NLRP4: variants seen among roughly 807,000 people sequenced by gnomAD.
NLRP4 encodes NLR family pyrin domain containing 4.
NLRP4 carries 44 observed loss-of-function variants against 84.7 expected under a neutral mutation model. The observed-to-expected ratio is 0.52, with a 90% CI of 0.41 to 0.67. NLRP4 has a LOEUF of 0.67. Among genes scored for constraint, NLRP4 ranks in the 30% least tolerant of loss-of-function variants. NLRP4 has a pLI of 0.00. For missense variants in NLRP4, 1,260 were observed against 1,219.4 expected, an observed-to-expected ratio of 1.03 and a Z score of -0.50; for synonymous variants, 544 against 476.4, an observed-to-expected ratio of 1.14 and a Z score of -1.85.
intron 5 of NLRP4, among the ~76,000 whole-genome samples, chr19:55,866,068 C>G (rs138399066): frequency 6.6e-6 from 1 of 152,050 alleles, no homozygotes. Flanking sequence ...GAGTCTCACT[C>G]TGTCACCCAG....
chr19:55,841,541 A>G (rs943858241), intron 1 of NLRP4, among the ~76,000 whole-genome samples: 1 of 152,128 alleles, frequency 6.6e-6, no homozygotes, highest in Non-Finnish European at 1.5e-5. Flanking sequence ...ATAGGCACTT[A>G]GTTTGTTTCT....
chr19:55,869,438 T>C (rs1157010785), intron 6 of NLRP4, among the ~76,000 whole-genome samples: 1 of 151,556 alleles, frequency 6.6e-6, no homozygotes, highest in Non-Finnish European at 1.5e-5. Flanking sequence ...GCCAGAAAAT[T>C]GAGATCCGTG....
At chr19:55,850,170 C>T (rs555405035) in intron 1 of NLRP4, among the ~76,000 whole-genome samples, 2 of 133,184 alleles carry the variant, frequency 1.5e-5, no homozygotes, top group South Asian at 2.4e-4. Flanking sequence ...GTGTAATTTC[C>T]GTGGCTGCGG....
chr19:55,850,910 C>T (rs1348294890), intron 1 of NLRP4, among the ~76,000 whole-genome samples: 1 of 77,452 alleles, frequency 1.3e-5, no homozygotes, highest in East Asian at 4.5e-4. Flanking sequence ...GTGTAATGTC[C>T]GAGGCTGCGG....
chr19:55,841,047 A>G (rs439349), intron 1 of NLRP4, among the ~76,000 whole-genome samples: 24,111 of 152,154 alleles, frequency 0.16, 2,095 homozygotes, highest in East Asian at 0.22. Context: ...TATTTATGGG[A>G]TACAGTGTGA....
intron 1 of NLRP4, among the ~76,000 whole-genome samples, chr19:55,850,088 T>TCCGAGACTGCGGTGTAATTA (rs1984004566): frequency 7.0e-6 from 1 of 143,344 alleles, no homozygotes; most frequent in Non-Finnish European, 1.5e-5. Context: ...CGGTGTAATT[T>TCCGAGACTGCGGTGTAATTA]CCGTGGCTGC....
Position 55,870,866 on chromosome 19 carries a change from C to T in NLRP4, c.2394C>T (p.Tyr798=), listed in dbSNP as rs780227234. The T allele has an allele frequency of 1.9e-6, 3 of 1,614,174 alleles. No individual in the cohort carries two copies. Among genetic ancestry groups the T allele is most frequent in the Non-Finnish European group, 2.5e-6 (3 of 1,179,982 alleles). Residue 798 remains tyrosine, a synonymous_variant, in exon 7 of 10, where the codon TAC becomes TAT. Transcript: ENST00000301295. ...FCHLSEQCCE[Y]ISEMLLRNKS... The stretch of plus-strand genomic sequence containing the variant: ...ACCTCAGCGAGCAGTGCTGCGAATA[C>T]ATCTCTGAAATGCTTCTGCGTAACA...
In NLRP4 at chr19:55,858,530, G is replaced by A; in HGVS notation, c.1137G>A (p.Leu379=). Residue 379 remains leucine (L), a synonymous_variant, in exon 3 of 10, where the codon CTG becomes CTA. Transcript: ENST00000301295. The surrounding 1 kb of genome is among the most constrained non-coding windows in gnomAD (Gnocchi z 4.2). ...TGTACTCCTCTTTCGTCTTTAACCT[G>A]TTCACACCTGAGGGTGCCGAGGGCC... ...TSVYSSFVFN[L]FTPEGAEGPT... is the part of the protein sequence containing the mutation. 1 of 1,614,132 alleles carries A rather than the reference G, an allele frequency of 6.2e-7. No individual in the cohort carries two copies. The highest frequency in any genetic ancestry group is 1.1e-5 in the South Asian group (1 of 91,080).
At chr19:55,848,240 C>A (rs911319077) in intron 1 of NLRP4, among the ~76,000 whole-genome samples, 7 of 152,032 alleles carry the variant, frequency 4.6e-5, no homozygotes, top group African/African-American at 9.7e-5. Flanking sequence ...AGGAGGAAGA[C>A]CACGAAGGAA....
At chr19:55,841,722 G>T (rs953482687) in intron 1 of NLRP4, among the ~76,000 whole-genome samples, 1 of 151,972 alleles carries the variant, frequency 6.6e-6, no homozygotes, top group East Asian at 1.9e-4. Context: ...AAAGTTAGCC[G>T]GGCATGGTGG....
chr19:55,846,907 A>C (rs1191065290), intron 1 of NLRP4, among the ~76,000 whole-genome samples: 3 of 151,992 alleles, frequency 2.0e-5, no homozygotes, highest in East Asian at 3.9e-4. Context: ...CTGCTTAATA[A>C]TTTTCCCTAA....
chr19:55,853,429 G>A lies in NLRP4; in HGVS notation c.280+1069G>A, dbSNP rs539837443. Among the ~76,000 whole-genome samples the A allele has an allele frequency of 1.1e-4, 16 of 152,300 alleles. No individual in the cohort carries two copies. In the South Asian group the frequency reaches 3.3e-3, roughly 32 times the overall value. ...TTTGTTTGACACAGGGTCTGGCTCT[G>A]TCACCCAGGGTGGAGTGCCGTGGCA... On this transcript the variant is annotated intron_variant, in intron 2 of 9. Transcript: ENST00000301295.
chr19:55,857,661 C>T lies in NLRP4; in HGVS notation c.281-13C>T. ...TTTGTGGGTTTTCTCTCCTCTTGCC[C>T]TCACTGACTCAGGATACACAAAGAC... On this transcript the variant is annotated splice_polypyrimidine_tract_variant and intron_variant, in intron 2 of 9. Transcript: ENST00000301295. The T allele has an allele frequency of 1.2e-6, 2 of 1,609,618 alleles. No individual in the cohort carries two copies. Among genetic ancestry groups the T allele is most frequent in the Non-Finnish European group, 1.7e-6 (2 of 1,179,052 alleles).
At chr19:55,851,650 C>A (rs1389439838) in intron 1 of NLRP4, among the ~76,000 whole-genome samples, 2 of 129,550 alleles carry the variant, frequency 1.5e-5, no homozygotes, top group Admixed American at 8.1e-5. Context: ...GGTGTAATGT[C>A]CGAGGCTGCG....
intron 4 of NLRP4, 93 bp from the exon 5 acceptor site, chr19:55,861,899 T>A (rs1314728951): frequency 4.5e-6 from 4 of 889,214 alleles, no homozygotes; most frequent in Non-Finnish European, 7.4e-6. Context: ...AATCAGAGAA[T>A]GAGTTCATGA....
At chr19:55,837,625 A>C (rs1983407060) in intron 1 of NLRP4, among the ~76,000 whole-genome samples, 1 of 139,844 alleles carries the variant, frequency 7.2e-6, no homozygotes, top group Non-Finnish European at 1.5e-5. Flanking sequence ...CACACACACA[A>C]AGTCCTAACC....
At chr19:55,844,368 C>T (rs928967840) in intron 1 of NLRP4, among the ~76,000 whole-genome samples, 7 of 152,092 alleles carry the variant, frequency 4.6e-5, no homozygotes, top group African/African-American at 1.7e-4. Flanking sequence ...ACTGTAACCT[C>T]CCGGGTTCAA....
intron 2 of NLRP4, among the ~76,000 whole-genome samples, chr19:55,856,668 A>T (rs901792422): frequency 1.3e-5 from 2 of 151,568 alleles, no homozygotes; most frequent in Non-Finnish European, 2.9e-5. Context: ...GGCACACACC[A>T]CCACGCCCGG....
intron 2 of NLRP4, among the ~76,000 whole-genome samples, chr19:55,855,387 A>T (rs1453300927): frequency 6.6e-6 from 1 of 152,216 alleles, no homozygotes; most frequent in Admixed American, 6.5e-5. Context: ...GCAACCAAAC[A>T]TGTCACCGAA....
Sources: gnomAD v4.1 joint callset for allele counts (sites outside exome capture counted in the v4.1 genomes callset) on GRCh38, gnomAD v4.1.1 for gene constraint, Gnocchi (gnomAD v3.1) non-coding constraint, MANE v1.5 for transcripts, NCBI Gene and HGNC (gene_info 2026-07-23, HGNC 2026-07-21) for gene names.